LTBP1: variants seen among roughly 807,000 people sequenced by gnomAD.
LTBP1 encodes the protein latent transforming growth factor beta binding protein 1.
LTBP1 carries 129 observed loss-of-function variants against 207.6 expected under a neutral mutation model. The ratio of observed to expected loss-of-function variants is 0.62; its 90% CI spans 0.54 to 0.72. The LOEUF (loss-of-function observed/expected upper bound fraction) is 0.72. LTBP1 is among the 30% of genes least tolerant of loss of function. The probability of loss-of-function intolerance (pLI) is 0.00; values close to 1 mark genes in which losing one functional copy is unlikely to be tolerated. For synonymous variants in LTBP1, 963 were observed against 833.7 expected (o/e 1.16, Z -2.67); for missense variants, 2,281 against 2,217.2 (o/e 1.03, Z -0.58).
intron 2 of LTBP1, among the ~76,000 whole-genome samples, chr2:32,958,955 T>G (rs1188537423): frequency 6.6e-6 from 1 of 152,224 alleles, no homozygotes. Context: ...TGATAGAGAT[T>G]TGGGACTAAG....
At chr2:33,226,235 T>C (rs2091431839) in intron 9 of LTBP1, among the ~76,000 whole-genome samples, 1 of 152,238 alleles carries the variant, frequency 6.6e-6, no homozygotes, top group African/African-American at 2.4e-5. Flanking sequence ...TGTGTTTTTT[T>C]ACCTTTACAA....
At chr2:33,305,541 C>A (rs927307653) in intron 22 of LTBP1, among the ~76,000 whole-genome samples, 5 of 152,224 alleles carry the variant, frequency 3.3e-5, no homozygotes, top group Admixed American at 2.6e-4. Flanking sequence ...CCCGAGGAAC[C>A]AGCTATGTGG....
intron 2 of LTBP1, among the ~76,000 whole-genome samples, chr2:33,006,505 C>A (rs1473692370): frequency 6.6e-6 from 1 of 151,332 alleles, no homozygotes; most frequent in Non-Finnish European, 1.5e-5. Flanking sequence ...GCTTCAGCCT[C>A]CCAAGTAGCT....
At chr2:33,352,055 C>T (rs1423558966) in intron 26 of LTBP1, among the ~76,000 whole-genome samples, 1 of 152,186 alleles carries the variant, frequency 6.6e-6, no homozygotes, top group African/African-American at 2.4e-5. Flanking sequence ...TCCAGGGTGT[C>T]TTGTAAGCCT....
intron 3 of LTBP1, among the ~76,000 whole-genome samples, chr2:33,029,338 G>A (rs1353400728): frequency 2.0e-5 from 3 of 152,106 alleles, no homozygotes; most frequent in Non-Finnish European, 2.9e-5. Flanking sequence ...TTAGTTGGGC[G>A]TGGTGATGCG....
chr2:33,108,417 G>C lies in LTBP1; in HGVS notation c.864-2165G>C, dbSNP rs143837457. On this transcript the variant is annotated intron_variant, in intron 3 of 33. Coordinates refer to ENST00000404816, the MANE Select transcript of LTBP1 (RefSeq NM_206943.4). ...TTCCTTAAGTTAGTGATGGCTGAGG[G>C]CTGTTAACTTAAGTTCTAGACCTAG... Among the ~76,000 whole-genome samples the C allele has an allele frequency of 1.7e-3, 253 of 152,172 alleles. 9 individuals carry two copies. In the South Asian group the frequency reaches 0.051, roughly 31 times the overall value.
At chr2:33,128,302 T>A (rs951520280) in intron 4 of LTBP1, among the ~76,000 whole-genome samples, 1 of 152,202 alleles carries the variant, frequency 6.6e-6, no homozygotes, top group Admixed American at 6.5e-5. Context: ...ACAGAAAATT[T>A]GAGTCATGTG....
chr2:33,297,906 T>C (rs1376861064), intron 20 of LTBP1, among the ~76,000 whole-genome samples: 1 of 152,196 alleles, frequency 6.6e-6, no homozygotes, highest in Non-Finnish European at 1.5e-5. Context: ...CATGATCTTA[T>C]CTATCTTAAA....
intron 5 of LTBP1, among the ~76,000 whole-genome samples, chr2:33,138,287 A>T (rs545130037): frequency 6.0e-4 from 92 of 152,330 alleles, no homozygotes; most frequent in Non-Finnish European, 1.1e-3. Flanking sequence ...CTTCTGCTTA[A>T]TGCAACTCTA....
At chr2:33,347,163 A>T (rs2094715350) in intron 25 of LTBP1, among the ~76,000 whole-genome samples, 1 of 151,180 alleles carries the variant, frequency 6.6e-6, no homozygotes, top group Non-Finnish European at 1.5e-5. Flanking sequence ...AATTGTCTTG[A>T]ATTTTCATAG....
intron 3 of LTBP1, among the ~76,000 whole-genome samples, chr2:33,088,320 C>T (rs776696666): frequency 2.0e-5 from 3 of 152,228 alleles, no homozygotes; most frequent in Admixed American, 6.5e-5. Flanking sequence ...GGCATGGTGG[C>T]GCGTGCCTGT....
chr2:33,094,407 T>C (rs1223462438), intron 3 of LTBP1, among the ~76,000 whole-genome samples: 8 of 152,218 alleles, frequency 5.3e-5, no homozygotes, highest in Admixed American at 5.2e-4. Context: ...ATTGTTGACA[T>C]TTACTTAATT....
At chr2:33,071,513 T>G (rs1277856167) in intron 3 of LTBP1, among the ~76,000 whole-genome samples, 1 of 152,076 alleles carries the variant, frequency 6.6e-6, no homozygotes, top group Non-Finnish European at 1.5e-5. Context: ...TTGCACAGCA[T>G]CTAGGAGGTG....
Position 33,332,397 on chromosome 2 carries a change from A to G in LTBP1, c.3731-10441A>G, listed in dbSNP as rs77752674. 6.8e-3 allele frequency among the ~76,000 whole-genome samples: 889 copies of G among 129,882 alleles called. 9 individuals are homozygous for G. Among genetic ancestry groups the G allele is most frequent in the African/African-American group, 0.024 (784 of 32,962 alleles). 85.2% of individuals were successfully genotyped at this position (129,882 alleles called of 152,430 possible). A position where few individuals can be genotyped will look rare whatever the true frequency, so the allele number is the denominator to read the frequency against. ...CAAAAAAAAAAAAAAAAAAAAAAAA[A>G]AGAGAGAGAGAGACAGAGACACTCT... On this transcript the variant is annotated intron_variant, in intron 24 of 33. Coordinates refer to ENST00000404816, the MANE Select transcript of LTBP1 (RefSeq NM_206943.4).
intron 10 of LTBP1, among the ~76,000 whole-genome samples, chr2:33,251,544 A>C (rs548217791): frequency 6.6e-6 from 1 of 151,950 alleles, no homozygotes; most frequent in Non-Finnish European, 1.5e-5. Flanking sequence ...GGGTGCCTGT[A>C]GTCCCACCTA....
chr2:33,056,355 C>T, intron 3 of LTBP1: 3 of 1,248,598 alleles, frequency 2.4e-6, no homozygotes, highest in Non-Finnish European at 3.1e-6. Context: ...GGCTTTGTGG[C>T]TTTCGGTTTT....
intron 26 of LTBP1, among the ~76,000 whole-genome samples, chr2:33,356,504 C>G (rs183943854): frequency 1.3e-3 from 194 of 152,158 alleles, no homozygotes; most frequent in African/African-American, 4.2e-3. Context: ...ATGGTGAAAC[C>G]CTGTCTCTAC....
At chr2:33,037,272 T>G (rs1045993657) in intron 3 of LTBP1, among the ~76,000 whole-genome samples, 2 of 152,240 alleles carry the variant, frequency 1.3e-5, no homozygotes, top group African/African-American at 2.4e-5. Flanking sequence ...TGTGTTGGTC[T>G]TTTGAGTATC....
chr2:33,307,940 G>A (rs1409772280), intron 22 of LTBP1, among the ~76,000 whole-genome samples: 1 of 152,096 alleles, frequency 6.6e-6, no homozygotes, highest in Non-Finnish European at 1.5e-5. Flanking sequence ...AATGAAATTC[G>A]GTATCACCGT....
Sources: gnomAD v4.1 joint callset for allele counts (sites outside exome capture counted in the v4.1 genomes callset) on GRCh38, gnomAD v4.1.1 for gene constraint, MANE v1.5 for transcripts, NCBI Gene and HGNC (gene_info 2026-07-23, HGNC 2026-07-21) for gene names.